Variants in CACNA2D1 observed in about 807,000 individuals in gnomAD.
CACNA2D1 encodes the protein voltage-dependent calcium channel subunit alpha-2/delta-1.
Under a neutral mutation model 171.5 loss-of-function variants are expected in CACNA2D1, and 53 were observed. The observed-to-expected ratio is 0.31, with a 90% CI of 0.25 to 0.39. The LOEUF (loss-of-function observed/expected upper bound fraction) is 0.39, where lower values mean the gene tolerates loss of function less well. Ranked by LOEUF, CACNA2D1 falls within the 10% of genes least tolerant of loss-of-function variation. The probability of loss-of-function intolerance (pLI) is 1.00; values close to 1 mark genes in which losing one functional copy is unlikely to be tolerated. For missense variants in CACNA2D1, 903 were observed against 1,299.8 expected (o/e 0.69, Z 4.69); for synonymous variants, 442 against 443.1 (o/e 1.00, Z 0.03).
Position 82,442,321 on chromosome 7 carries a change from G to A in CACNA2D1, c.95+1044C>T, listed in dbSNP as rs903228292. ...GCATAAATACCGGGAAAGCTACCTT[G>A]GGCTTTGTTTTTGTTATGTAAAATG... On this transcript the variant is annotated intron_variant, in intron 1 of 38. Transcript: ENST00000356860. Among the ~76,000 whole-genome samples, 3 of 152,136 alleles carry A rather than the reference G, an allele frequency of 2.0e-5. No homozygotes were observed. In the East Asian group the frequency reaches 5.8e-4, roughly 29 times the overall value.
intron 3 of CACNA2D1, among the ~76,000 whole-genome samples, chr7:82,237,025 G>A (rs991696224): frequency 7.9e-5 from 12 of 151,774 alleles, no homozygotes; most frequent in Non-Finnish European, 1.5e-4. Flanking sequence ...ATCCTTTAAT[G>A]GATCCACTTA....
intron 18 of CACNA2D1, among the ~76,000 whole-genome samples, chr7:81,999,050 G>C (rs180966776): frequency 6.6e-6 from 1 of 152,018 alleles, no homozygotes; most frequent in Admixed American, 6.5e-5. Context: ...ATAATAAAAA[G>C]TAAACAGAAA....
chr7:82,351,190 T>C (rs1188225984), intron 1 of CACNA2D1, among the ~76,000 whole-genome samples: 2 of 152,048 alleles, frequency 1.3e-5, no homozygotes, highest in Non-Finnish European at 2.9e-5. Flanking sequence ...ATTTCAATAA[T>C]GGAGATTTAA....
intron 3 of CACNA2D1, among the ~76,000 whole-genome samples, chr7:82,251,268 G>A (rs544950928): frequency 5.3e-5 from 8 of 152,164 alleles, no homozygotes; most frequent in Non-Finnish European, 1.0e-4. Flanking sequence ...CCTAAAATAG[G>A]TTGCTGCTGT....
Position 82,079,529 on chromosome 7 carries a change from T to C in CACNA2D1, c.658+5240A>G, listed in dbSNP as rs539295422. Among the ~76,000 whole-genome samples, 6 of 152,078 alleles carry C rather than the reference T, an allele frequency of 3.9e-5. No individual in the cohort carries two copies. In the South Asian group the frequency reaches 1.0e-3, roughly 26 times the overall value. Reference sequence around the variant, plus strand: ...CAACATGGAGAAAACCCGTCTCTACTAATAATACAAAAATTAGCCAGGCAT... The same window carrying C: ...CAACATGGAGAAAACCCGTCTCTACCAATAATACAAAAATTAGCCAGGCAT... On this transcript the variant is annotated intron_variant, in intron 7 of 38. Coordinates refer to ENST00000356860, the MANE Select transcript of CACNA2D1 (RefSeq NM_000722.4).
chr7:82,019,082 G>A (rs1800861766), intron 12 of CACNA2D1, among the ~76,000 whole-genome samples: 1 of 152,060 alleles, frequency 6.6e-6, no homozygotes, highest in African/African-American at 2.4e-5. Flanking sequence ...AGCACTTTGG[G>A]AGGCTGAGGC....
chr7:82,053,638 G>A (rs890546863), intron 10 of CACNA2D1, among the ~76,000 whole-genome samples: 5 of 152,220 alleles, frequency 3.3e-5, no homozygotes, highest in African/African-American at 1.2e-4. Flanking sequence ...CCAGTAATAC[G>A]TATCTCCAGA....
At chr7:81,959,180 A>G in intron 38 of CACNA2D1, 95 bp downstream of exon 38, 1 of 846,108 alleles carries the variant, frequency 1.2e-6, no homozygotes, top group Non-Finnish European at 2.1e-6. Flanking sequence ...TTAAGACATT[A>G]CGTTTGAGTT....
At chr7:82,004,977 C>G (rs1018623925) in intron 18 of CACNA2D1, among the ~76,000 whole-genome samples, 1 of 152,130 alleles carries the variant, frequency 6.6e-6, no homozygotes, top group Admixed American at 6.5e-5. Context: ...CAGGCCTGTC[C>G]TAAAGTAAAA....
intron 18 of CACNA2D1, 36 bp downstream of exon 18, chr7:82,005,387 A>G (rs1799017154): frequency 8.1e-7 from 1 of 1,239,206 alleles, no homozygotes; most frequent in African/African-American, 1.5e-5. Flanking sequence ...TTAATTCTAC[A>G]AAACACTAAT....
At chr7:81,990,425 G>C (rs1040945430) in intron 21 of CACNA2D1, among the ~76,000 whole-genome samples, 5 of 152,070 alleles carry the variant, frequency 3.3e-5, no homozygotes, top group Non-Finnish European at 7.4e-5. Context: ...ATGTAGGAGA[G>C]AGTGACAATG....
intron 10 of CACNA2D1, among the ~76,000 whole-genome samples, chr7:82,039,800 A>C (rs1396045747): frequency 3.3e-5 from 5 of 152,200 alleles, no homozygotes; most frequent in African/African-American, 1.2e-4. Flanking sequence ...CCTCACATGG[A>C]GACAAAAGAA....
rs116324422 is a variant in CACNA2D1 at position 82,053,480 on chromosome 7, G to A, written c.879+6948C>T. Among the ~76,000 whole-genome samples, 7 of 151,940 alleles carry A rather than the reference G, an allele frequency of 4.6e-5. 1 individual carries two copies. The highest frequency in any genetic ancestry group is 3.9e-4 in the Admixed American group (6 of 15,242). On this transcript the variant is annotated intron_variant, in intron 10 of 38. Transcript: ENST00000356860. ...TGAAATAATAAAATTAAACAAAAGTGTACAGTTAACAAAACTTCAGAGTGT... is the reference window on the plus strand; with the variant it reads ...TGAAATAATAAAATTAAACAAAAGTATACAGTTAACAAAACTTCAGAGTGT...
chr7:82,033,870 A>T (rs1803002583), intron 11 of CACNA2D1, among the ~76,000 whole-genome samples: 1 of 152,138 alleles, frequency 6.6e-6, no homozygotes, highest in Non-Finnish European at 1.5e-5. Flanking sequence ...GCTGAGAATA[A>T]AAGATCACAC....
chr7:82,323,778 A>C (rs2129440881), intron 3 of CACNA2D1, among the ~76,000 whole-genome samples: 1 of 152,304 alleles, frequency 6.6e-6, no homozygotes, highest in South Asian at 2.1e-4. Flanking sequence ...ATTTTACATT[A>C]GATAGTGCTT....
At chr7:82,298,986 C>T (rs546896566) in intron 3 of CACNA2D1, among the ~76,000 whole-genome samples, 3 of 148,254 alleles carry the variant, frequency 2.0e-5, no homozygotes, top group South Asian at 4.2e-4. Context: ...TCCTTTGAAC[C>T]GGGGAGGCAG....
intron 1 of CACNA2D1, among the ~76,000 whole-genome samples, chr7:82,367,998 C>T (rs1208423402): frequency 6.6e-6 from 1 of 152,120 alleles, no homozygotes; most frequent in African/African-American, 2.4e-5. Flanking sequence ...ACTGTTTCCT[C>T]ATAAAATTTC....
At chr7:82,316,889 C>T (rs1585462365) in intron 3 of CACNA2D1, among the ~76,000 whole-genome samples, 1 of 152,272 alleles carries the variant, frequency 6.6e-6, no homozygotes, top group Non-Finnish European at 1.5e-5. Flanking sequence ...CCCCATGATT[C>T]AATTATTTCC....
intron 4 of CACNA2D1, among the ~76,000 whole-genome samples, chr7:82,156,972 C>T (rs1794438920): frequency 6.6e-6 from 1 of 152,028 alleles, no homozygotes. Flanking sequence ...TTAATTTGCT[C>T]AACAAGTAGC....
Sources: allele counts gnomAD v4.1 joint callset (sites outside exome capture counted in the v4.1 genomes callset), GRCh38; gene constraint gnomAD v4.1.1; transcripts MANE v1.5; gene names NCBI Gene and HGNC (gene_info 2026-07-23, HGNC 2026-07-21).